KIAA1328: variants seen among roughly 807,000 people sequenced by gnomAD.
The protein encoded by KIAA1328 is protein hinderin.
In KIAA1328, 52 loss-of-function variants were observed where a neutral mutation model predicts 68.1. That is an observed-to-expected ratio of 0.76 (90% CI 0.61 to 0.96). The LOEUF (loss-of-function observed/expected upper bound fraction) is 0.96. Ranked by LOEUF, KIAA1328 falls within the 40% of genes least tolerant of loss-of-function variation. The probability of loss-of-function intolerance (pLI) is 0.00; values close to 1 mark genes in which losing one functional copy is unlikely to be tolerated. For synonymous variants in KIAA1328, 232 were observed against 239.4 expected (o/e 0.97, Z 0.28); for missense variants, 641 against 677.6 (o/e 0.95, Z 0.60).
intron 7 of KIAA1328, among the ~76,000 whole-genome samples, chr18:37,104,193 G>T (rs986070263): frequency 6.6e-6 from 1 of 152,124 alleles, no homozygotes; most frequent in African/African-American, 2.4e-5. Context: ...AAGGAAATCA[G>T]TTATCAAAGA....
chr18:36,898,678 G>A (rs1386372491), intron 5 of KIAA1328, among the ~76,000 whole-genome samples: 1 of 151,996 alleles, frequency 6.6e-6, no homozygotes, highest in East Asian at 1.9e-4. Flanking sequence ...CAGATTATAG[G>A]GAGCCACACT....
chr18:37,226,280 A>ATT (rs796209515), downstream of KIAA1328, among the ~76,000 whole-genome samples: 51 of 146,696 alleles, frequency 3.5e-4, no homozygotes, highest in African/African-American at 1.2e-3. Context: ...CCCTTTTTAA[A>ATT]TTTTTTTTTT....
At chr18:37,017,346 T>C (rs1407495196) in intron 6 of KIAA1328, among the ~76,000 whole-genome samples, 1 of 152,162 alleles carries the variant, frequency 6.6e-6, no homozygotes, top group Non-Finnish European at 1.5e-5. Context: ...ACGATTTCAA[T>C]TTTTTTAATT....
chr18:36,849,128 T>C (rs921765520), intron 4 of KIAA1328, among the ~76,000 whole-genome samples: 2 of 151,908 alleles, frequency 1.3e-5, no homozygotes, highest in African/African-American at 4.8e-5. Flanking sequence ...GCAACCAGTC[T>C]TCAGAACTTC....
At chr18:36,878,293 G>T (rs1317316562) in intron 4 of KIAA1328, among the ~76,000 whole-genome samples, 1 of 152,132 alleles carries the variant, frequency 6.6e-6, no homozygotes, top group African/African-American at 2.4e-5. Flanking sequence ...AGCTTAGTTT[G>T]GCTGGATATG....
At position 36,844,192 on chromosome 18, in the gene KIAA1328, ATT is replaced by A. The variant is rs372565622; in HGVS notation, c.238-5_238-4del. 21 of 1,160,562 alleles carry A rather than the reference ATT, an allele frequency of 1.8e-5. No individual in the cohort carries two copies. Among genetic ancestry groups the A allele is most frequent in the South Asian group, 3.2e-5 (2 of 61,834 alleles). The allele number at this position is 1,160,562 out of a possible 1,614,324, so 71.9% of individuals were successfully genotyped here. ...TTGGTTTTAGAAAAAGTGTAACTAAATTTTTTTTTTTTAAGAATTCCTGCAGG... is the reference window on the plus strand; with the variant it reads ...TTGGTTTTAGAAAAAGTGTAACTAAATTTTTTTTTTAAGAATTCCTGCAGG... On this transcript the variant is annotated splice_polypyrimidine_tract_variant and intron_variant, in intron 3 of 9. Transcript: ENST00000280020.
At chr18:37,076,784 G>A (rs1352468873) in intron 7 of KIAA1328, among the ~76,000 whole-genome samples, 2 of 151,972 alleles carry the variant, frequency 1.3e-5, no homozygotes, top group African/African-American at 4.8e-5. Flanking sequence ...ACTAAACCAG[G>A]AAGAAGTTGA....
chr18:36,947,194 T>C (rs2050938930), intron 5 of KIAA1328, among the ~76,000 whole-genome samples: 1 of 152,052 alleles, frequency 6.6e-6, no homozygotes, highest in East Asian at 1.9e-4. Flanking sequence ...TTGTATTACA[T>C]GGTAAGATAA....
chr18:36,855,156 C>G (rs1274020244), intron 4 of KIAA1328, among the ~76,000 whole-genome samples: 1 of 151,952 alleles, frequency 6.6e-6, no homozygotes, highest in African/African-American at 2.4e-5. Context: ...TTTCAAATTC[C>G]TTTGGGTATA....
At chr18:37,192,780 A>G (rs1302007201) in intron 9 of KIAA1328, among the ~76,000 whole-genome samples, 17 of 152,324 alleles carry the variant, frequency 1.1e-4, no homozygotes. Flanking sequence ...ATTATCTAAC[A>G]TCATAATTTC....
intron 1 of KIAA1328, among the ~76,000 whole-genome samples, chr18:36,833,698 CAG>C (rs1464224145): frequency 2.6e-5 from 4 of 152,184 alleles, no homozygotes; most frequent in African/African-American, 9.7e-5. Context: ...CAGTTGAAAA[CAG>C]TGTGTTATAA....
At chr18:36,832,078 C>T (rs2046512205) in intron 1 of KIAA1328, among the ~76,000 whole-genome samples, 1 of 152,022 alleles carries the variant, frequency 6.6e-6, no homozygotes, top group South Asian at 2.1e-4. Context: ...TATAATGTGT[C>T]TGTTTGACTT....
Position 37,047,528 on chromosome 18 carries a change from T to C in KIAA1328, c.577-19362T>C, listed in dbSNP as rs975258442. Among the ~76,000 whole-genome samples the C allele has an allele frequency of 7.2e-5, 11 of 152,306 alleles. No individual in the cohort carries two copies. The East Asian group carries it at 1.9e-3, about 27-fold the overall frequency. Reference sequence around the variant, plus strand: ...GACTCCCTAGAGTTCACCCTACATATTTATTTTCATCATCCCTGTCTTCAA... The same window carrying C: ...GACTCCCTAGAGTTCACCCTACATACTTATTTTCATCATCCCTGTCTTCAA... On this transcript the variant is annotated intron_variant, in intron 6 of 9. Coordinates refer to ENST00000280020, the MANE Select transcript of KIAA1328 (RefSeq NM_020776.3).
chr18:37,200,339 GACT>G (rs2154219255), intron 9 of KIAA1328, among the ~76,000 whole-genome samples: 1 of 152,310 alleles, frequency 6.6e-6, no homozygotes, highest in East Asian at 1.9e-4. Flanking sequence ...AATAGTGATT[GACT>G]ATACATTGTT....
intron 7 of KIAA1328, among the ~76,000 whole-genome samples, chr18:37,134,476 C>CA (rs886889116): frequency 2.6e-5 from 4 of 151,604 alleles, no homozygotes; most frequent in Non-Finnish European, 5.9e-5. Context: ...ATATTTCCTA[C>CA]AAAAAAAACT....
chr18:37,170,726 G>T (rs1025899991), intron 8 of KIAA1328, among the ~76,000 whole-genome samples: 27 of 152,124 alleles, frequency 1.8e-4, no homozygotes, highest in African/African-American at 6.5e-4. Context: ...GGTCATCTCG[G>T]ACATAGATAC....
At chr18:36,960,342 G>A (rs1007271941) in intron 6 of KIAA1328, among the ~76,000 whole-genome samples, 3 of 152,242 alleles carry the variant, frequency 2.0e-5, no homozygotes, top group Non-Finnish European at 4.4e-5. Context: ...GCTCAGCAAG[G>A]CCTACTGCCT....
intron 6 of KIAA1328, among the ~76,000 whole-genome samples, chr18:36,979,725 A>C (rs928941489): frequency 6.6e-6 from 1 of 152,216 alleles, no homozygotes; most frequent in Non-Finnish European, 1.5e-5. Context: ...AGCCCACTGC[A>C]TCTTCAGTGG....
chr18:36,960,421 A>G (rs933735311), intron 6 of KIAA1328, among the ~76,000 whole-genome samples: 2 of 152,226 alleles, frequency 1.3e-5, no homozygotes, highest in African/African-American at 4.8e-5. Flanking sequence ...GCAGGCTTAA[A>G]CATCCCTGTC....
Sources: allele counts gnomAD v4.1 joint callset (sites outside exome capture counted in the v4.1 genomes callset), GRCh38; gene constraint gnomAD v4.1.1; transcripts MANE v1.5; gene names NCBI Gene and HGNC (gene_info 2026-07-23, HGNC 2026-07-21).